DLG2: variants seen among roughly 807,000 people sequenced by gnomAD.
DLG2 encodes the protein discs large MAGUK scaffold protein 2.
Under a neutral mutation model 132.5 loss-of-function variants are expected in DLG2, and 45 were observed. The observed-to-expected ratio is 0.34, with a 90% confidence interval of 0.27 to 0.44. The LOEUF (loss-of-function observed/expected upper bound fraction) is 0.44. Among genes scored for constraint, DLG2 ranks in the 20% least tolerant of loss-of-function variants. DLG2 has a pLI of 1.00. For synonymous variants in DLG2, 424 were observed against 419.6 expected, an observed-to-expected ratio of 1.01 and a Z score of -0.13; for missense variants, 1,045 against 1,196.9, an observed-to-expected ratio of 0.87 and a Z score of 1.87.
intron 6 of DLG2, among the ~76,000 whole-genome samples, chr11:84,652,491 A>C (rs1435757294): frequency 6.6e-6 from 1 of 152,104 alleles, no homozygotes; most frequent in Non-Finnish European, 1.5e-5. Context: ...TTAAAGAAGA[A>C]GGCAATGAAA....
At chr11:85,340,403 A>G (rs146025018) in intron 3 of DLG2, among the ~76,000 whole-genome samples, 2,267 of 151,926 alleles carry the variant, frequency 0.015, 63 homozygotes, top group African/African-American at 0.052. Flanking sequence ...AAAACCAAAC[A>G]CTGCATGTTC....
intron 11 of DLG2, among the ~76,000 whole-genome samples, chr11:84,051,795 G>C (rs569713146): frequency 1.3e-4 from 20 of 151,356 alleles, no homozygotes; most frequent in Non-Finnish European, 2.4e-4. Flanking sequence ...GAAAAAAAAA[G>C]AAGACAGGAA....
At chr11:85,312,860 T>C (rs2080404208) in intron 3 of DLG2, among the ~76,000 whole-genome samples, 1 of 151,984 alleles carries the variant, frequency 6.6e-6, no homozygotes, top group Admixed American at 6.6e-5. Flanking sequence ...GAAAAACATT[T>C]AGAAAAATAT....
At chr11:85,422,436 A>C (rs947516387) in intron 3 of DLG2, among the ~76,000 whole-genome samples, 10 of 151,964 alleles carry the variant, frequency 6.6e-5, no homozygotes, top group Admixed American at 1.3e-4. Flanking sequence ...CCTTGTCTTC[A>C]AGCTCTAAAT....
At chr11:84,315,778 T>C (rs1174804993) in intron 7 of DLG2, among the ~76,000 whole-genome samples, 1 of 152,148 alleles carries the variant, frequency 6.6e-6, no homozygotes, top group Non-Finnish European at 1.5e-5. Flanking sequence ...AACTATATTA[T>C]TAAGACCAGT....
chr11:84,329,169 G>A (rs2098447161), intron 7 of DLG2, among the ~76,000 whole-genome samples: 1 of 151,994 alleles, frequency 6.6e-6, no homozygotes, highest in African/African-American at 2.4e-5. Context: ...CTCTTCAAAG[G>A]CAAGAACTAT....
At chr11:83,516,993 T>C (rs529855109) in intron 21 of DLG2, among the ~76,000 whole-genome samples, 8 of 152,288 alleles carry the variant, frequency 5.3e-5, no homozygotes, top group African/African-American at 1.9e-4. Flanking sequence ...AATCTGACAA[T>C]TATGTGTCTT....
intron 14 of DLG2, among the ~76,000 whole-genome samples, chr11:83,956,858 T>C (rs753400974): frequency 6.6e-6 from 1 of 152,224 alleles, no homozygotes; most frequent in Non-Finnish European, 1.5e-5. Flanking sequence ...ACAGTTTATA[T>C]AAAACACAAT....
At chr11:83,808,876 C>A (rs193079341) in intron 17 of DLG2, among the ~76,000 whole-genome samples, 1 of 152,174 alleles carries the variant, frequency 6.6e-6, no homozygotes, top group Non-Finnish European at 1.5e-5. Flanking sequence ...CCTGCAGGGT[C>A]TCACCTCTGT....
intron 18 of DLG2, among the ~76,000 whole-genome samples, chr11:83,679,630 A>G (rs2078386828): frequency 6.6e-6 from 1 of 152,234 alleles, no homozygotes; most frequent in Admixed American, 6.5e-5. Context: ...CCTGTTTACC[A>G]TGCCAATTTC....
chr11:84,317,144 A>C, intron 7 of DLG2: 2 of 1,609,614 alleles, frequency 1.2e-6, no homozygotes, highest in Non-Finnish European at 1.7e-6. Context: ...GTATGCATTC[A>C]TACTGCACTG....
Position 83,484,163 on chromosome 11 carries a change from C to T in DLG2, c.2259G>A (p.Lys753=). The T allele has an allele frequency of 6.2e-7, 1 of 1,613,382 alleles. No individual in the cohort carries two copies. Among genetic ancestry groups the T allele is most frequent in the Non-Finnish European group, 8.5e-7 (1 of 1,179,548 alleles). The change falls in exon 22 of 28, where the codon AAG becomes AAA. Residue 753 remains lysine (K), a synonymous_variant. Transcript: ENST00000376104. ...FSRKFPFYKN[K]EQSEQETSDP... ...CACTGGTTTCCTGCTCACTCTGCTC[C>T]TTGTTCTTGTAGAATGGGAATTTTC... is the stretch of plus-strand genomic sequence containing the variant.
At position 84,200,797 on chromosome 11, in the gene DLG2, G is replaced by A. The variant is rs576635275; in HGVS notation, c.574-37286C>T. Among the ~76,000 whole-genome samples the A allele has an allele frequency of 5.9e-5, 9 of 152,048 alleles. No individual in the cohort carries two copies. The South Asian group carries it at 1.7e-3, about 28-fold the overall frequency. ...GCTAGTGAATTTTGCACATTGATTC[G>A]GTATCCTGAGACTTTGCTGAAGTTG... On this transcript the variant is annotated intron_variant, in intron 8 of 27. Coordinates refer to ENST00000376104, the MANE Select transcript of DLG2 (RefSeq NM_001142699.3).
chr11:84,667,688 G>A (rs995970344), intron 6 of DLG2, among the ~76,000 whole-genome samples: 1 of 151,622 alleles, frequency 6.6e-6, no homozygotes, highest in African/African-American at 2.4e-5. Context: ...TAGTAGAGAT[G>A]GGTTTTCACC....
intron 6 of DLG2, among the ~76,000 whole-genome samples, chr11:84,555,234 G>A (rs569707972): frequency 7.1e-4 from 108 of 152,194 alleles, no homozygotes; most frequent in African/African-American, 2.6e-3. Context: ...AAGCAGTATG[G>A]AGGTTCTTCA....
Position 83,471,683 on chromosome 11 carries a change from G to A in DLG2, c.2389C>T (p.Arg797Trp), listed in dbSNP as rs34857356. The A allele has an allele frequency of 1.9e-6, 3 of 1,613,084 alleles. No individual in the cohort carries two copies. The highest frequency in any genetic ancestry group is 1.7e-5 in the Admixed American group (1 of 59,894). ...PVIILGPMKD[R>W]INDDLISEFP... ...TCAGATATCAAGTCGTCATTGATCC[G>A]ATCCTTCATGGGCCCCAGGATAATC... Residue 797 changes from arginine (R) to tryptophan (W), a missense_variant, in exon 24 of 28, where the codon CGG becomes TGG. Around this residue, in one of 4 missense-constraint regions of DLG2, gnomAD observed 398 missense variants for 543.6 expected, o/e 0.73. Transcript: ENST00000376104.
intron 6 of DLG2, among the ~76,000 whole-genome samples, chr11:85,109,794 T>C (rs1253603939): frequency 6.6e-6 from 1 of 152,074 alleles, no homozygotes; most frequent in African/African-American, 2.4e-5. Flanking sequence ...ACTTTGTAGC[T>C]TGAAAACAAA....
intron 3 of DLG2, among the ~76,000 whole-genome samples, chr11:85,518,937 C>A (rs1230606717): frequency 6.6e-6 from 1 of 152,104 alleles, no homozygotes; most frequent in African/African-American, 2.4e-5. Flanking sequence ...GCAGCTTCCA[C>A]GTGGTGTTGA....
At chr11:84,683,124 G>A (rs140294478) in intron 6 of DLG2, among the ~76,000 whole-genome samples, 30 of 152,278 alleles carry the variant, frequency 2.0e-4, no homozygotes, top group African/African-American at 7.0e-4. Context: ...GGGAAAGGAA[G>A]GGCATTTCTG....
Sources: allele counts gnomAD v4.1 joint callset (sites outside exome capture counted in the v4.1 genomes callset), GRCh38; gene constraint gnomAD v4.1.1; regional missense constraint gnomAD v4.1.1; transcripts MANE v1.5; gene names NCBI Gene and HGNC (gene_info 2026-07-23, HGNC 2026-07-21).